Variants in PUSL1 observed in about 807,000 individuals in gnomAD.
The protein encoded by PUSL1 is tRNA pseudouridine synthase-like 1.
In PUSL1, 51 loss-of-function variants were observed where a neutral mutation model predicts 30.7. The ratio of observed to expected loss-of-function variants is 1.66; its 90% CI spans 1.33 to 2.10. The LOEUF (loss-of-function observed/expected upper bound fraction) is 2.10, where lower values mean the gene tolerates loss of function less well. PUSL1 is among the 30% of genes most tolerant of loss of function. PUSL1 has a pLI of 0.00. For synonymous variants in PUSL1, 290 were observed against 192.1 expected, an observed-to-expected ratio of 1.51 and a Z score of -4.21; for missense variants, 609 against 427.6, an observed-to-expected ratio of 1.42 and a Z score of -3.74.
Position 1,309,129 on chromosome 1 carries a change from C to T in PUSL1, c.179C>T (p.Thr60Ile), listed in dbSNP as rs1054939718. ...AATTCCGTGGAGCCGGTCAGGTTCACCATCTCCAGCCGCACGGACGCCGGG... is the reference window on the plus strand; with the variant it reads ...AATTCCGTGGAGCCGGTCAGGTTCATCATCTCCAGCCGCACGGACGCCGGG... The part of the protein sequence containing the change: ...RLNSVEPVRF[T>I]ISSRTDAGVH... Residue 60 changes from threonine (T) to isoleucine (I), a missense_variant, in exon 3 of 8, where the codon ACC (threonine) becomes ATC (isoleucine). Thr to Ile is a moderately conservative substitution (Grantham distance 89). Coordinates refer to ENST00000379031, the MANE Select transcript of PUSL1 (RefSeq NM_153339.3). The T allele has an allele frequency of 2.0e-6, 3 of 1,526,746 alleles. No individual in the cohort carries two copies. The highest frequency in any genetic ancestry group is 2.4e-5 in the South Asian group (2 of 83,032). 94.6% of individuals were successfully genotyped at this position (1,526,746 alleles called of 1,614,324 possible).
At position 1,309,726 on chromosome 1, in the gene PUSL1, C is replaced by G; in HGVS notation, c.519C>G (p.Leu173=). Residue 173 remains leucine (L), a synonymous_variant, in exon 5 of 8, where the codon CTC becomes CTG. Coordinates refer to ENST00000379031, the MANE Select transcript of PUSL1 (RefSeq NM_153339.3). ...TGCAGGAAGCCGCCCAGCACCTCCT[C>G]GGCACACACGACTTCAGCGCCTTCC... ...VAMQEAAQHL[L]GTHDFSAFQS... is the part of the protein sequence containing the mutation. The G allele has an allele frequency of 6.3e-7, 1 of 1,598,696 alleles. No homozygotes were observed. Among genetic ancestry groups the G allele is most frequent in the African/African-American group, 1.3e-5 (1 of 74,780 alleles).
At chr1:1,310,184 G>A (rs1349794742) in intron 5 of PUSL1, 2 of 367,856 alleles carry the variant, frequency 5.4e-6, no homozygotes, top group Non-Finnish European at 9.9e-6. Context: ...CTGTCCCGAG[G>A]GCCACCCACC....
chr1:1,310,097 G>A (rs116734645), intron 5 of PUSL1: 5 of 519,342 alleles, frequency 9.6e-6, no homozygotes, highest in African/African-American at 3.9e-5. Flanking sequence ...ATGCCTGATG[G>A]AAGAATGTTG....
Position 1,309,507 on chromosome 1 carries a change from CG to C in PUSL1, c.378del (p.Ser127ProfsTer111). ...GACTTCCACGCTCGTCACGCAGCCA[CG>C]TCCCGGACCTACCTGTACCGCCTGG... ...PSDFHARHAA[T>X]SRTYLYRLAT... On this transcript the variant is annotated frameshift_variant, in exon 4 of 8. Transcript: ENST00000379031. LOFTEE classifies it high-confidence loss of function. The C allele has an allele frequency of 6.2e-7, 1 of 1,610,188 alleles. No homozygotes were observed.
At chr1:1,310,168 C>G (rs1570688480) in intron 5 of PUSL1, 1 of 407,226 alleles carries the variant, frequency 2.5e-6, no homozygotes, top group East Asian at 4.2e-5. Flanking sequence ...TCTGCTGCCC[C>G]CAGCACTGTC....
chr1:1,311,313 G>C lies in PUSL1; in HGVS notation c.863-17G>C, dbSNP rs756671214. On this transcript the variant is annotated splice_polypyrimidine_tract_variant and intron_variant, in intron 7 of 7. Transcript: ENST00000379031. ...CGGTCTTGCCCCAGGCTGACGCAGGGTCTGGTCCGTCCACAGGTGCTGCCT... is the reference window on the plus strand; with the variant it reads ...CGGTCTTGCCCCAGGCTGACGCAGGCTCTGGTCCGTCCACAGGTGCTGCCT... 8.4e-6 allele frequency: 13 copies of C among 1,548,356 alleles called. No homozygotes were observed. The Middle Eastern group carries it at 9.2e-4, about 110-fold the overall frequency.
Position 1,311,329 on chromosome 1 carries a change from G to A in PUSL1, c.863-1G>A. 4 of 1,573,230 alleles carry A rather than the reference G, an allele frequency of 2.5e-6. No individual in the cohort carries two copies. The highest frequency in any genetic ancestry group is 3.5e-6 in the Non-Finnish European group (4 of 1,156,742). ...TGACGCAGGGTCTGGTCCGTCCACA[G>A]GTGCTGCCTCCTGCACCCTGCAGGG... On this transcript the variant is annotated splice_acceptor_variant, in intron 7 of 7. Transcript: ENST00000379031. LOFTEE classifies it high-confidence loss of function.
rs1221783817 is a variant in PUSL1 at position 1,309,851 on chromosome 1, G to A, written c.644G>A (p.Arg215Lys). Residue 215 changes from arginine to lysine, a missense_variant and splice_region_variant, in exon 5 of 8, where the codon AGG becomes AAG. Arg to Lys is a conservative substitution (Grantham distance 26, BLOSUM62 2). Transcript: ENST00000379031. Reference sequence around the variant, plus strand: ...CCCTTGGTCACCCCCGAGGAGAGCAGGTGAGGAAGGGCCCCTGGGCTGTGG... The same window carrying A: ...CCCTTGGTCACCCCCGAGGAGAGCAAGTGAGGAAGGGCCCCTGGGCTGTGG... ...ASPLVTPEES[R>K]KLRFWNLEFE... The A allele has an allele frequency of 6.6e-7, 1 of 1,509,014 alleles. No homozygotes were observed. The highest frequency in any genetic ancestry group is 8.9e-7 in the Non-Finnish European group (1 of 1,121,318). 93.5% of individuals were successfully genotyped at this position (1,509,014 alleles called of 1,614,324 possible). A position where few individuals can be genotyped will look rare whatever the true frequency, so the allele number is the denominator to read the frequency against.
At chr1:1,310,515 C>T (rs1296052271) in intron 5 of PUSL1, 119 bp from the exon 6 acceptor site, 2 of 792,516 alleles carry the variant, frequency 2.5e-6, no homozygotes, top group Middle Eastern at 3.4e-4. Context: ...GGTGGCCAAG[C>T]TAGTGGGAAC....
chr1:1,309,377 C>A, intron 3 of PUSL1, 77 bp from the exon 4 acceptor site: 1 of 1,492,468 alleles, frequency 6.7e-7, no homozygotes, highest in South Asian at 1.3e-5. Context: ...GGTCGGAGCT[C>A]GAGGGGGAAG....
At chr1:1,309,950 C>G in intron 5 of PUSL1, 99 bp downstream of exon 5, 1 of 1,035,360 alleles carries the variant, frequency 9.7e-7, no homozygotes, top group East Asian at 2.7e-5. Context: ...AGGCGGGAGG[C>G]AGGCAGCCGG....
intron 1 of PUSL1, 69 bp downstream of exon 1, chr1:1,308,789 G>A: frequency 1.4e-6 from 2 of 1,449,846 alleles, no homozygotes; most frequent in Non-Finnish European, 1.8e-6. Flanking sequence ...GGGCGCGGGC[G>A]GGCAGGCGGA....
rs1159500444 is a variant in PUSL1 at position 1,309,609 on chromosome 1, T to G, written c.473+6T>G. 6.9e-6 allele frequency: 11 copies of G among 1,604,382 alleles called. No homozygotes were observed. The highest frequency in any genetic ancestry group is 8.5e-6 in the Non-Finnish European group (10 of 1,173,548). On this transcript the variant is annotated splice_donor_region_variant and intron_variant, in intron 4 of 7. Coordinates refer to ENST00000379031, the MANE Select transcript of PUSL1 (RefSeq NM_153339.3). ...TGCTGGACTCTCCCGGCAGAGTGAGTGTGGCCCTGACAGCGGGGAGGGGGC... is the reference window on the plus strand; with the variant it reads ...TGCTGGACTCTCCCGGCAGAGTGAGGGTGGCCCTGACAGCGGGGAGGGGGC...
chr1:1,311,131 C>A (rs958479049), intron 7 of PUSL1, 60 bp downstream of exon 7: 17 of 1,545,926 alleles, frequency 1.1e-5, no homozygotes, highest in African/African-American at 1.4e-5. Context: ...GTGGCCGAGG[C>A]ATGGGGTGGG....
In PUSL1 at chr1:1,310,673, T is replaced by C. The variant is rs2100542007; in HGVS notation, c.684T>C (p.Ser228=). 1 of 1,592,534 alleles carries C rather than the reference T, an allele frequency of 6.3e-7. No individual in the cohort carries two copies. The highest frequency in any genetic ancestry group is 8.6e-7 in the Non-Finnish European group (1 of 1,165,462). ...RFWNLEFESQ[S]FLYRQVRRMT... ...GGAACCTGGAGTTTGAGAGCCAGTC[T>C]TTCCTGTATAGACAGGTAGGCTCTG... The change falls in exon 6 of 8, where the codon TCT becomes TCC. Residue 228 remains serine, a synonymous_variant. Coordinates refer to ENST00000379031, the MANE Select transcript of PUSL1 (RefSeq NM_153339.3).
intron 5 of PUSL1, chr1:1,310,209 G>A: frequency 2.8e-6 from 1 of 353,558 alleles, no homozygotes; most frequent in South Asian, 5.2e-5. Context: ...GGCAGCTTCT[G>A]ACCAGAACCT....
Position 1,309,818 on chromosome 1 carries a change from A to G in PUSL1, c.611A>G (p.Gln204Arg), listed in dbSNP as rs1642005749. The G allele has an allele frequency of 1.9e-6, 3 of 1,548,020 alleles. No individual in the cohort carries two copies. Among genetic ancestry groups the G allele is most frequent in the Non-Finnish European group, 2.6e-6 (3 of 1,145,076 alleles). The change falls in exon 5 of 8, where the codon CAA becomes CGA. Residue 204 changes from glutamine to arginine, a missense_variant. By Grantham distance (43) the Gln-to-Arg change is conservative (BLOSUM62 1). Coordinates refer to ENST00000379031, the MANE Select transcript of PUSL1 (RefSeq NM_153339.3). ...TLRRVSVSPG[Q>R]ASPLVTPEES... Reference sequence around the variant, plus strand: ...CGCCGGGTCTCCGTTTCCCCAGGCCAAGCCAGCCCCTTGGTCACCCCCGAG... The same window carrying G: ...CGCCGGGTCTCCGTTTCCCCAGGCCGAGCCAGCCCCTTGGTCACCCCCGAG...
rs1479719168 is a variant in PUSL1, at chr1:1,308,655, G to A, written c.12G>A (p.Ala4=). The A allele has an allele frequency of 6.5e-7, 1 of 1,529,682 alleles. No individual in the cohort carries two copies. The allele number at this position is 1,529,682 out of a possible 1,614,324, so 94.8% of individuals were successfully genotyped here. A position where few individuals can be genotyped will look rare whatever the true frequency, so the allele number is the denominator to read the frequency against. Reference sequence around the variant, plus strand: ...GGCTGGGCTCCGCCATGAGTTCGGCGCCGGCCTCAGGCTCCGTGCGCGCGC... The same window carrying A: ...GGCTGGGCTCCGCCATGAGTTCGGCACCGGCCTCAGGCTCCGTGCGCGCGC... MSS[A]PASGSVRARY... The change falls in exon 1 of 8, where the codon GCG becomes GCA. Residue 4 remains alanine, a synonymous_variant. Coordinates refer to ENST00000379031, the MANE Select transcript of PUSL1 (RefSeq NM_153339.3).
In PUSL1 at chr1:1,308,624, G is replaced by A. The variant is rs202246441; in HGVS notation, c.-20G>A. The A allele has an allele frequency of 4.5e-4, 626 of 1,382,754 alleles. 4 individuals carry two copies. In the African/African-American group the frequency reaches 8.9e-3, roughly 20 times the overall value. The allele number at this position is 1,382,754 out of a possible 1,614,324, so 85.7% of individuals were successfully genotyped here. ...TCCTGCGCTGGAGGCCGCCTCTGAC[G>A]CCACCGGCTGGGCTCCGCCATGAGT... On this transcript the variant is annotated 5_prime_UTR_variant, in exon 1 of 8. Coordinates refer to ENST00000379031, the MANE Select transcript of PUSL1 (RefSeq NM_153339.3).
Sources: allele counts gnomAD v4.1 joint callset, GRCh38; gene constraint gnomAD v4.1.1; transcripts MANE v1.5; gene names NCBI Gene and HGNC (gene_info 2026-07-23, HGNC 2026-07-21).